The following KHDRBS2 variants were observed in gnomAD, a reference collection of about 807,000 sequenced individuals.
KHDRBS2 encodes KH domain-containing, RNA-binding, signal transduction-associated protein 2.
In KHDRBS2, 26 loss-of-function variants were observed where a neutral mutation model predicts 44.3. The ratio of observed to expected loss-of-function variants is 0.59; its 90% CI spans 0.43 to 0.81. KHDRBS2 has a LOEUF of 0.81. Among genes scored for constraint, KHDRBS2 ranks in the 40% least tolerant of loss-of-function variants. The pLI, the probability that KHDRBS2 is intolerant of heterozygous loss-of-function variation, is 0.00. For synonymous variants in KHDRBS2, 194 were observed against 151.1 expected, an observed-to-expected ratio of 1.28 and a Z score of -2.08; for missense variants, 476 against 433.1, an observed-to-expected ratio of 1.10 and a Z score of -0.88.
chr6:61,697,044 T>C, intron 8 of KHDRBS2, 151 bp downstream of exon 8: 3 of 673,778 alleles, frequency 4.5e-6, no homozygotes, highest in Non-Finnish European at 8.0e-6. Flanking sequence ...TGGTACTAGC[T>C]GTGTAAGTCA....
intron 2 of KHDRBS2, among the ~76,000 whole-genome samples, chr6:62,159,633 T>C (rs186836136): frequency 6.6e-6 from 1 of 152,224 alleles, no homozygotes; most frequent in African/African-American, 2.4e-5. Context: ...CATATAACTT[T>C]TGACTCCCCT....
intron 4 of KHDRBS2, among the ~76,000 whole-genome samples, chr6:61,974,316 G>A (rs1456762695): frequency 6.6e-6 from 1 of 152,170 alleles, no homozygotes; most frequent in Middle Eastern, 3.4e-3. Flanking sequence ...ACAACCATAT[G>A]TGGCAATCCT....
intron 2 of KHDRBS2, among the ~76,000 whole-genome samples, chr6:62,167,345 T>C (rs1818912334): frequency 6.6e-6 from 1 of 152,070 alleles, no homozygotes; most frequent in Non-Finnish European, 1.5e-5. Context: ...TGACTCAATG[T>C]GGGATGAAAA....
intron 4 of KHDRBS2, among the ~76,000 whole-genome samples, 170 bp downstream of exon 4, chr6:61,977,896 G>T (rs1773024430): frequency 6.6e-6 from 1 of 152,164 alleles, no homozygotes; most frequent in African/African-American, 2.4e-5. Flanking sequence ...GCCAGGTCCT[G>T]TGTTAAGTGG....
At chr6:61,967,465 A>G (rs1770275770) in intron 4 of KHDRBS2, among the ~76,000 whole-genome samples, 1 of 151,934 alleles carries the variant, frequency 6.6e-6, no homozygotes, top group African/African-American at 2.4e-5. Context: ...AGATATAGAT[A>G]GATATGAATG....
chr6:62,248,210 GGAAA>G (rs2150172614), intron 1 of KHDRBS2, among the ~76,000 whole-genome samples: 1 of 150,704 alleles, frequency 6.6e-6, no homozygotes, highest in South Asian at 2.1e-4. Context: ...AAAAATAAAA[GGAAA>G]GAAAGAGACA....
intron 2 of KHDRBS2, among the ~76,000 whole-genome samples, chr6:62,161,471 C>G (rs936015219): frequency 6.9e-6 from 1 of 145,826 alleles, no homozygotes. Flanking sequence ...TTATGAGTAA[C>G]CTAGATATCA....
At chr6:61,602,053 C>T in the KHDRBS2 span, among the ~76,000 whole-genome samples, 1 of 152,156 alleles carries the variant, frequency 6.6e-6, no homozygotes, top group Non-Finnish European at 1.5e-5. Context: ...AGATGCTTTA[C>T]AGCCCTAGAC....
At chr6:61,854,166 G>A (rs143762696) in intron 6 of KHDRBS2, among the ~76,000 whole-genome samples, 51 of 152,150 alleles carry the variant, frequency 3.4e-4, no homozygotes, top group African/African-American at 1.2e-3. Flanking sequence ...TCAAGTCCTG[G>A]AATTTTGTTT....
intron 1 of KHDRBS2, among the ~76,000 whole-genome samples, chr6:62,240,386 C>T (rs1314131337): frequency 1.3e-5 from 2 of 151,732 alleles, no homozygotes; most frequent in Non-Finnish European, 2.9e-5. Flanking sequence ...TCCAAATATC[C>T]TGGTTTCCTT....
At chr6:61,767,831 G>C (rs1780231429) in intron 6 of KHDRBS2, among the ~76,000 whole-genome samples, 1 of 151,984 alleles carries the variant, frequency 6.6e-6, no homozygotes, top group African/African-American at 2.4e-5. Flanking sequence ...TTATTGTACT[G>C]TCTGTGTCTT....
chr6:61,800,536 C>T (rs1308088878), intron 6 of KHDRBS2, among the ~76,000 whole-genome samples: 1 of 152,012 alleles, frequency 6.6e-6, no homozygotes, highest in Non-Finnish European at 1.5e-5. Flanking sequence ...AGTTCATTTA[C>T]TTTCTTTTAT....
chr6:62,195,715 TA>T (rs1825545587), intron 1 of KHDRBS2, among the ~76,000 whole-genome samples: 1 of 152,056 alleles, frequency 6.6e-6, no homozygotes, highest in African/African-American at 2.4e-5. Context: ...ATGACATATA[TA>T]AAAATACACA....
chr6:61,943,505 C>A (rs891776620), intron 4 of KHDRBS2, among the ~76,000 whole-genome samples: 4 of 152,038 alleles, frequency 2.6e-5, no homozygotes, highest in African/African-American at 7.2e-5. Flanking sequence ...GAATTAAATT[C>A]TCCACTTAAA....
At chr6:61,995,408 A>G (rs1262925706) in intron 3 of KHDRBS2, among the ~76,000 whole-genome samples, 2 of 152,186 alleles carry the variant, frequency 1.3e-5, no homozygotes, top group Non-Finnish European at 2.9e-5. Flanking sequence ...TAGAAGAGGT[A>G]TTGGCTCAGC....
intron 2 of KHDRBS2, among the ~76,000 whole-genome samples, chr6:62,087,836 A>C (rs1452794507): frequency 4.6e-5 from 7 of 152,052 alleles, no homozygotes; most frequent in African/African-American, 7.2e-5. Context: ...CACCAATCAA[A>C]TGTAGGTTTA....
At chr6:61,935,774 C>T (rs1225426357) in intron 4 of KHDRBS2, among the ~76,000 whole-genome samples, 1 of 151,846 alleles carries the variant, frequency 6.6e-6, no homozygotes, top group South Asian at 2.1e-4. Flanking sequence ...AAGATAAAAC[C>T]CATTTATTTA....
At chr6:61,578,803 A>G in the KHDRBS2 span, among the ~76,000 whole-genome samples, 2 of 152,126 alleles carry the variant, frequency 1.3e-5, no homozygotes, top group Admixed American at 6.6e-5. Context: ...GGGCAATGAG[A>G]AGAGGATTTT....
chr6:61,984,880 C>T (rs148917939), intron 3 of KHDRBS2, among the ~76,000 whole-genome samples: 32 of 152,240 alleles, frequency 2.1e-4, no homozygotes, highest in East Asian at 5.8e-4. Context: ...AAAAAAACTA[C>T]GCAATTAAAG....
Sources: allele counts gnomAD v4.1 joint callset (sites outside exome capture counted in the v4.1 genomes callset), GRCh38; gene constraint gnomAD v4.1.1; transcripts MANE v1.5; gene names NCBI Gene and HGNC (gene_info 2026-07-23, HGNC 2026-07-21).